Variants in MPP1 observed in about 807,000 individuals in gnomAD.
MPP1 encodes the protein MAGUK p55 scaffold protein 1.
Under a neutral mutation model 38.2 loss-of-function variants are expected in MPP1, and 6 were observed. That is an observed-to-expected ratio of 0.16 (90% CI 0.09 to 0.31). The LOEUF is 0.31. MPP1 is among the 10% of genes least tolerant of loss of function. The pLI is 1.00. For synonymous variants in MPP1, 153 were observed against 146.3 expected (o/e 1.05, Z -0.33); for missense variants, 293 against 368.9 (o/e 0.79, Z 1.69).
intron 10 of MPP1, 58 bp from the exon 11 acceptor site, chrX:154,781,371 AAAAAAAAAACCTACATAGCTGTCAT>A (rs2071996384): frequency 9.3e-6 from 9 of 964,805 alleles, no homozygotes; most frequent in Non-Finnish European, 1.3e-5. Flanking sequence ...AGGAAAGTGA[AAAAAAAAAACCTACATAGCTGTCAT>A]AATGGATTCC....
intron 9 of MPP1, 39 bp from the exon 10 acceptor site, chrX:154,781,841 C>A (rs1557266693): frequency 8.6e-7 from 1 of 1,166,430 alleles, no homozygotes; most frequent in Non-Finnish European, 1.2e-6. Context: ...AACTCCAGGT[C>A]CTCACCCTTT....
chrX:154,795,886 C>T (rs781858314), intron 1 of MPP1, among the ~76,000 whole-genome samples: 2 of 112,142 alleles, frequency 1.8e-5, no homozygotes, highest in South Asian at 7.4e-4. Flanking sequence ...ATTGTTTTCA[C>T]TGTGTATCAA....
intron 4 of MPP1, 60 bp downstream of exon 4, chrX:154,790,923 A>G: frequency 9.5e-7 from 1 of 1,055,088 alleles, no homozygotes; most frequent in Non-Finnish European, 1.3e-6. Flanking sequence ...ACTGATACCA[A>G]TGTGGATCAA....
At chrX:154,797,252 C>T (rs1431186701) in intron 1 of MPP1, among the ~76,000 whole-genome samples, 2 of 111,789 alleles carry the variant, frequency 1.8e-5, no homozygotes, top group African/African-American at 6.5e-5. Context: ...CTACCGATCA[C>T]CCTATATCTG....
chrX:154,778,950 AGAAAT>A lies in MPP1; in HGVS notation c.*222_*226del, dbSNP rs1557266250. 5.4e-6 allele frequency: 2 copies of A among 372,799 alleles called. No individual in the cohort carries two copies. The highest frequency in any genetic ancestry group is 1.0e-4 in the Admixed American group (2 of 19,662). The allele number at this position is 372,799 out of a possible 1,213,427, so 30.7% of individuals were successfully genotyped here. On this transcript the variant is annotated 3_prime_UTR_variant, in exon 12 of 12. Transcript: ENST00000369534. Reference sequence around the variant, plus strand: ...GTAGTACTTCTTACCCCCAATTTCTAGAAATCCTTTTCAAATCCAGATCAGTGGGG... The same window carrying A: ...GTAGTACTTCTTACCCCCAATTTCTACCTTTTCAAATCCAGATCAGTGGGG...
At chrX:154,783,779 C>T (rs1020078867) in intron 8 of MPP1, 1 of 432,851 alleles carries the variant, frequency 2.3e-6, no homozygotes, top group South Asian at 3.6e-5. Flanking sequence ...TGCCAGCAGA[C>T]AGCATGAAAC....
intron 1 of MPP1, among the ~76,000 whole-genome samples, chrX:154,797,958 A>G (rs1177829646): frequency 8.9e-6 from 1 of 112,714 alleles, no homozygotes; most frequent in Non-Finnish European, 1.9e-5. Flanking sequence ...TGGGCAAAAA[A>G]CATGAACAGA....
chrX:154,800,769 AC>A (rs1356455635), intron 1 of MPP1, among the ~76,000 whole-genome samples: 1 of 112,473 alleles, frequency 8.9e-6, no homozygotes, highest in African/African-American at 3.2e-5. Flanking sequence ...TTGTGCAGGT[AC>A]ATGGAGAGAA....
intron 1 of MPP1, among the ~76,000 whole-genome samples, chrX:154,794,620 G>C (rs979066003): frequency 9.0e-6 from 1 of 111,718 alleles, no homozygotes; most frequent in African/African-American, 3.3e-5. Context: ...ACTGTGAGGA[G>C]TGTGCCATTC....
intron 9 of MPP1, 117 bp from the exon 10 acceptor site, chrX:154,781,919 A>G (rs1331610115): frequency 8.1e-5 from 55 of 681,501 alleles, no homozygotes; most frequent in Non-Finnish European, 1.1e-4. Flanking sequence ...ACTTTAATAC[A>G]GGGGTTCCTC....
Position 154,781,306 on chromosome X carries a change from T to G in MPP1, c.1157A>C (p.Lys386Thr), listed in dbSNP as rs1557266566. The G allele has an allele frequency of 5.0e-6, 6 of 1,196,610 alleles. No individual in the cohort carries two copies. ...AILDIEPQTL[K>T]IVRTAELSPF... is the part of the protein sequence containing the mutation. ...CGAAAGTTCTGCTGTCCGAACAATT[T>G]TCAGGGTCTAGAAAAAAAAAAGAAG... Residue 386 changes from lysine (K) to threonine (T), a missense_variant, in exon 11 of 12, where the codon AAA becomes ACA. Coordinates refer to ENST00000369534, the MANE Select transcript of MPP1 (RefSeq NM_002436.4).
Position 154,783,963 on chromosome X carries a change from G to A in MPP1, c.865+65C>T, listed in dbSNP as rs782483906. 1,926 of 1,022,829 alleles carry A rather than the reference G, an allele frequency of 1.9e-3. 3 individuals carry two copies. The highest frequency in any genetic ancestry group is 2.5e-3 in the Non-Finnish European group (1,796 of 732,272). The allele number at this position is 1,022,829 out of a possible 1,213,427, so 84.3% of individuals were successfully genotyped here. ...TTCTTCCTCACTGCCTTTTTTGGGG[G>A]TGGGCACGTGATGCAGGCAGGAAAA... On this transcript the variant is annotated intron_variant, in intron 8 of 11. Transcript: ENST00000369534.
Position 154,783,337 on chromosome X carries a change from T to A in MPP1, c.946+90A>T, listed in dbSNP as rs985924264. The A allele has an allele frequency of 4.2e-5, 20 of 476,766 alleles. No individual in the cohort carries two copies. The African/African-American group carries it at 4.6e-4, about 11-fold the overall frequency. The allele number at this position is 476,766 out of a possible 1,213,427, so 39.3% of individuals were successfully genotyped here. On this transcript the variant is annotated intron_variant, in intron 9 of 11. Transcript: ENST00000369534. ...AATAATCATTTAAAATAAAATAATT[T>A]AAAAAATAATAAAATAACACTATGG...
intron 1 of MPP1, among the ~76,000 whole-genome samples, chrX:154,799,478 G>A (rs1008537212): frequency 8.9e-6 from 1 of 112,218 alleles, no homozygotes; most frequent in Non-Finnish European, 1.9e-5. Flanking sequence ...ACACATCATA[G>A]GAGAAAAGAT....
rs2072058860 is a variant in MPP1, at chrX:154,785,248, C to T, written c.678-91G>A. ...TCAGTCTCTAATGGCACCCCCTTCACTCTCTGAGTGTCCATTACAGTGGGA... is the reference window on the plus strand; with the variant it reads ...TCAGTCTCTAATGGCACCCCCTTCATTCTCTGAGTGTCCATTACAGTGGGA... On this transcript the variant is annotated intron_variant, in intron 6 of 11. Transcript: ENST00000369534. 7 of 623,622 alleles carry T rather than the reference C, an allele frequency of 1.1e-5. No individual in the cohort carries two copies. In the East Asian group the frequency reaches 2.6e-4, roughly 23 times the overall value. The allele number at this position is 623,622 out of a possible 1,213,427, so 51.4% of individuals were successfully genotyped here.
chrX:154,787,830 G>A (rs1440953522), intron 5 of MPP1, among the ~76,000 whole-genome samples: 1 of 112,199 alleles, frequency 8.9e-6, no homozygotes, highest in Non-Finnish European at 1.9e-5. Flanking sequence ...ACTTCCACTG[G>A]GATACTGTGA....
At chrX:154,785,013 T>C in intron 7 of MPP1, 38 bp downstream of exon 7, 1 of 1,160,319 alleles carries the variant, frequency 8.6e-7, no homozygotes, top group Non-Finnish European at 1.2e-6. Context: ...ACGTGAATGC[T>C]GCCAGGAACC....
At chrX:154,791,978 G>A in intron 2 of MPP1, 131 bp from the exon 3 acceptor site, 1 of 957,633 alleles carries the variant, frequency 1.0e-6, no homozygotes, top group Non-Finnish European at 1.5e-6. Context: ...ACTAGAACAG[G>A]CATGAAGCCT....
intron 1 of MPP1, chrX:154,799,921 A>C: frequency 4.3e-5 from 47 of 1,086,881 alleles, no homozygotes; most frequent in East Asian, 2.3e-4. Flanking sequence ...ATGAAAAACA[A>C]ACTTGGCGGG....
Sources: allele counts gnomAD v4.1 joint callset (sites outside exome capture counted in the v4.1 genomes callset), GRCh38; gene constraint gnomAD v4.1.1; transcripts MANE v1.5; gene names NCBI Gene and HGNC (gene_info 2026-07-23, HGNC 2026-07-21).